NAALADL2: variants seen among roughly 807,000 people sequenced by gnomAD.
NAALADL2 encodes the protein N-acetylated alpha-linked acidic dipeptidase like 2.
A neutral mutation model predicts 87.2 loss-of-function variants in NAALADL2; 76 were observed. That is an observed-to-expected ratio of 0.87 (90% CI 0.72 to 1.05). The LOEUF is 1.05. NAALADL2 is among the 50% of genes least tolerant of loss of function. NAALADL2 has a pLI of 0.00. For missense variants in NAALADL2, 1,089 were observed against 945.8 expected, an observed-to-expected ratio of 1.15 and a Z score of -1.99; for synonymous variants, 354 against 331.0, an observed-to-expected ratio of 1.07 and a Z score of -0.75.
chr3:174,756,336 T>C (rs775137528), intron 3 of NAALADL2, among the ~76,000 whole-genome samples: 23 of 152,222 alleles, frequency 1.5e-4, no homozygotes, highest in Non-Finnish European at 2.6e-4. Flanking sequence ...ATGTGCTTTT[T>C]CTATTTCGTG....
In NAALADL2 at chr3:175,465,091, T is replaced by A. The variant is rs945222969; in HGVS notation, c.1327+1598T>A. Among the ~76,000 whole-genome samples the A allele has an allele frequency of 2.8e-4, 42 of 152,044 alleles. 3 individuals are homozygous for A. Among genetic ancestry groups the A allele is most frequent in the Admixed American group, 1.2e-3 (18 of 15,278 alleles). On this transcript the variant is annotated intron_variant, in intron 7 of 13. Transcript: ENST00000454872. ...TTGCTTATTTGAATTTTACAAAAAATTGACTATTTAATTAGCCGGGCATGG... is the reference window on the plus strand; with the variant it reads ...TTGCTTATTTGAATTTTACAAAAAAATGACTATTTAATTAGCCGGGCATGG...
chr3:175,015,044 CATT>C (rs573420009), intron 1 of NAALADL2, among the ~76,000 whole-genome samples: 134 of 152,164 alleles, frequency 8.8e-4, no homozygotes, highest in Admixed American at 2.1e-3. Flanking sequence ...ATTCAGCTAA[CATT>C]ATGTGGGATT....
At chr3:174,664,037 C>G (rs1019870258) in intron 2 of NAALADL2, among the ~76,000 whole-genome samples, 2 of 152,092 alleles carry the variant, frequency 1.3e-5, no homozygotes, top group African/African-American at 4.8e-5. Context: ...GACCCACCAG[C>G]CTCGGCCTCC....
At chr3:175,025,541 G>A (rs1308740183) in intron 1 of NAALADL2, among the ~76,000 whole-genome samples, 1 of 152,008 alleles carries the variant, frequency 6.6e-6, no homozygotes, top group South Asian at 2.1e-4. Context: ...GCAAAATTTT[G>A]GCAACGGCTA....
intron 9 of NAALADL2, among the ~76,000 whole-genome samples, chr3:175,499,088 C>T (rs1729195906): frequency 2.0e-5 from 3 of 152,088 alleles, no homozygotes; most frequent in Admixed American, 2.0e-4. Context: ...TTGTATTTCA[C>T]TGTAGGGTTA....
At chr3:174,871,880 CAG>C in intron 1 of NAALADL2, among the ~76,000 whole-genome samples, 1 of 151,986 alleles carries the variant, frequency 6.6e-6, no homozygotes, top group South Asian at 2.1e-4. Context: ...GCCGGGGTGA[CAG>C]AACCAGACTC....
intron 2 of NAALADL2, among the ~76,000 whole-genome samples, chr3:174,659,763 C>G (rs1007620578): frequency 6.6e-6 from 1 of 152,124 alleles, no homozygotes; most frequent in African/African-American, 2.4e-5. Flanking sequence ...ACCCATCTAC[C>G]CATGGTCACG....
intron 10 of NAALADL2, among the ~76,000 whole-genome samples, chr3:175,622,934 T>C (rs889941930): frequency 4.6e-5 from 7 of 151,962 alleles, no homozygotes; most frequent in Non-Finnish European, 7.4e-5. Context: ...TGCAATAAAA[T>C]AGAAGACATA....
chr3:174,608,024 G>T (rs1322490662), intron 2 of NAALADL2, among the ~76,000 whole-genome samples: 1 of 152,028 alleles, frequency 6.6e-6, no homozygotes, highest in Admixed American at 6.6e-5. Context: ...ACTCAAAACT[G>T]CTCAACTACA....
At chr3:174,909,409 A>G (rs1309404111) in intron 1 of NAALADL2, among the ~76,000 whole-genome samples, 1 of 152,112 alleles carries the variant, frequency 6.6e-6, no homozygotes, top group Non-Finnish European at 1.5e-5. Context: ...AAACAATTAT[A>G]GAGCACTCTA....
At chr3:175,742,439 C>T (rs905508488) in intron 12 of NAALADL2, among the ~76,000 whole-genome samples, 4 of 152,118 alleles carry the variant, frequency 2.6e-5, no homozygotes, top group Admixed American at 6.5e-5. Context: ...GCTCTGTCAC[C>T]CAGGCTGGAG....
At chr3:174,621,112 G>T (rs1401788474) in intron 2 of NAALADL2, among the ~76,000 whole-genome samples, 1 of 151,998 alleles carries the variant, frequency 6.6e-6, no homozygotes, top group Non-Finnish European at 1.5e-5. Flanking sequence ...CTGAGGGAGA[G>T]ATGTATTTGA....
chr3:175,568,634 G>A (rs777504288), intron 9 of NAALADL2, among the ~76,000 whole-genome samples: 1 of 152,156 alleles, frequency 6.6e-6, no homozygotes, highest in Admixed American at 6.5e-5. Flanking sequence ...TGCTAGGAGA[G>A]TTTCCCTGCT....
At chr3:175,417,826 G>A (rs1204637849) in intron 5 of NAALADL2, among the ~76,000 whole-genome samples, 1 of 152,106 alleles carries the variant, frequency 6.6e-6, no homozygotes, top group African/African-American at 2.4e-5. Flanking sequence ...ACACTGTGAC[G>A]TGACAAAAAT....
intron 1 of NAALADL2, among the ~76,000 whole-genome samples, chr3:174,482,375 T>G (rs1717604856): frequency 6.6e-6 from 1 of 151,854 alleles, no homozygotes. Flanking sequence ...GAGAGAAGAG[T>G]TTCCTAATCA....
intron 1 of NAALADL2, among the ~76,000 whole-genome samples, chr3:175,048,508 ATT>A (rs11346343): frequency 0.017 from 2,363 of 136,012 alleles, 55 homozygotes; most frequent in African/African-American, 0.044. Flanking sequence ...TTCTAAAACC[ATT>A]TTTTTTTTTT....
chr3:175,342,502 T>C (rs965914491), intron 5 of NAALADL2, among the ~76,000 whole-genome samples: 1 of 135,442 alleles, frequency 7.4e-6, no homozygotes, highest in Non-Finnish European at 1.5e-5. Flanking sequence ...TTGCCAAATA[T>C]TGCGTGTGTG....
chr3:175,145,805 T>C (rs1730663503), intron 2 of NAALADL2, among the ~76,000 whole-genome samples: 1 of 152,128 alleles, frequency 6.6e-6, no homozygotes, highest in African/African-American at 2.4e-5. Context: ...ATTTAAAGTT[T>C]TTAATAAAAG....
At chr3:175,242,792 C>T (rs1747175843) in intron 3 of NAALADL2, among the ~76,000 whole-genome samples, 1 of 152,132 alleles carries the variant, frequency 6.6e-6, no homozygotes, top group South Asian at 2.1e-4. Flanking sequence ...TCGGACCCTG[C>T]TGCATGCAGC....
Sources: allele counts gnomAD v4.1 joint callset (sites outside exome capture counted in the v4.1 genomes callset), GRCh38; gene constraint gnomAD v4.1.1; transcripts MANE v1.5; gene names NCBI Gene and HGNC (gene_info 2026-07-23, HGNC 2026-07-21).